The following GAS7 variants were observed in gnomAD, a reference collection of about 807,000 sequenced individuals.
GAS7 encodes growth arrest-specific protein 7.
A neutral mutation model predicts 71.1 loss-of-function variants in GAS7; 28 were observed. The observed-to-expected ratio is 0.39, with a 90% CI of 0.29 to 0.54. GAS7 has a LOEUF of 0.54. Ranked by LOEUF, GAS7 falls within the 20% of genes least tolerant of loss-of-function variation. GAS7 has a pLI of 0.62. For missense variants in GAS7, 436 were observed against 627.8 expected (o/e 0.69, Z 3.27); for synonymous variants, 258 against 245.8 (o/e 1.05, Z -0.46).
intron 6 of GAS7, among the ~76,000 whole-genome samples, chr17:9,943,866 T>A (rs1222228942): frequency 6.6e-6 from 1 of 152,194 alleles, no homozygotes; most frequent in Non-Finnish European, 1.5e-5. Context: ...CCTAAGCTTT[T>A]TCATCTGCAA....
intron 1 of GAS7, among the ~76,000 whole-genome samples, chr17:10,063,014 G>A (rs372510835): frequency 6.6e-6 from 1 of 152,246 alleles, no homozygotes; most frequent in East Asian, 1.9e-4. Flanking sequence ...CACACAGTAG[G>A]ATGGACCCCT....
In GAS7 at chr17:9,926,773, T is replaced by C; in HGVS notation, c.886-4A>G. ...GCTTCTCCACCTCGCTGTGAAGCTG[T>C]TGGGAGAGTAGAGACGCACACTCAG... On this transcript the variant is annotated splice_region_variant and splice_polypyrimidine_tract_variant and intron_variant, in intron 9 of 13. Transcript: ENST00000432992. The surrounding 1 kb of genome is among the most constrained non-coding windows in gnomAD (Gnocchi z 5.0). 1 of 1,614,058 alleles carries C rather than the reference T, an allele frequency of 6.2e-7. No individual in the cohort carries two copies. Among genetic ancestry groups the C allele is most frequent in the Non-Finnish European group, 8.5e-7 (1 of 1,179,962 alleles).
chr17:10,069,081 T>C (rs984389914), intron 1 of GAS7, among the ~76,000 whole-genome samples: 1 of 152,134 alleles, frequency 6.6e-6, no homozygotes, highest in African/African-American at 2.4e-5. Flanking sequence ...ACAAACCGTA[T>C]TACTCACATG....
chr17:10,000,163 C>T (rs1314982360), intron 2 of GAS7, among the ~76,000 whole-genome samples: 1 of 152,184 alleles, frequency 6.6e-6, no homozygotes, highest in East Asian at 1.9e-4. Context: ...CATCACAGTC[C>T]TCTGGAGGCA....
At chr17:10,030,519 A>G (rs2072591120) in intron 1 of GAS7, among the ~76,000 whole-genome samples, 1 of 152,228 alleles carries the variant, frequency 6.6e-6, no homozygotes, top group African/African-American at 2.4e-5. Context: ...TCTCACCAGC[A>G]AGAAGCCACA....
intron 1 of GAS7, among the ~76,000 whole-genome samples, chr17:10,073,727 G>A (rs575028900): frequency 3.9e-5 from 6 of 152,300 alleles, no homozygotes; most frequent in African/African-American, 1.4e-4. Flanking sequence ...TACTGATCAA[G>A]TGCGTGACAG....
At chr17:10,018,776 C>G (rs1324611429) in intron 2 of GAS7, among the ~76,000 whole-genome samples, 1 of 152,122 alleles carries the variant, frequency 6.6e-6, no homozygotes, top group South Asian at 2.1e-4. Flanking sequence ...TAACGATACC[C>G]CCAGGTGGGA....
At chr17:10,036,816 T>A in intron 1 of GAS7, 1 of 932,022 alleles carries the variant, frequency 1.1e-6, no homozygotes, top group Non-Finnish European at 1.3e-6. Context: ...TTGGCTGAGG[T>A]CACAACAAAC....
intron 1 of GAS7, among the ~76,000 whole-genome samples, chr17:10,134,921 C>T (rs1052673224): frequency 1.3e-5 from 2 of 152,058 alleles, no homozygotes; most frequent in Admixed American, 6.5e-5. Flanking sequence ...TCACCTCCGG[C>T]TCCCAAGTTC....
intron 1 of GAS7, among the ~76,000 whole-genome samples, chr17:10,133,294 T>C (rs938057068): frequency 6.6e-6 from 1 of 151,896 alleles, no homozygotes; most frequent in African/African-American, 2.4e-5. Flanking sequence ...AGCTAAACTT[T>C]GTATTTTTGG....
intron 1 of GAS7, among the ~76,000 whole-genome samples, chr17:10,178,048 T>C (rs1406848406): frequency 6.6e-6 from 1 of 151,906 alleles, no homozygotes; most frequent in African/African-American, 2.4e-5. Context: ...GTTTTCAAAC[T>C]GGGTCCTACA....
intron 1 of GAS7, among the ~76,000 whole-genome samples, chr17:10,090,022 A>G (rs1209208316): frequency 6.6e-6 from 1 of 152,200 alleles, no homozygotes; most frequent in African/African-American, 2.4e-5. Context: ...ACGAAAAATT[A>G]GCCAGGCATG....
At chr17:10,172,533 GAAA>G (rs575581440) in intron 1 of GAS7, among the ~76,000 whole-genome samples, 18 of 151,450 alleles carry the variant, frequency 1.2e-4, no homozygotes, top group Non-Finnish European at 2.4e-4. Context: ...AAAAGAAGAA[GAAA>G]AAAAAAGAAA....
intron 2 of GAS7, among the ~76,000 whole-genome samples, chr17:9,996,662 A>G (rs1466146879): frequency 6.6e-6 from 1 of 151,590 alleles, no homozygotes; most frequent in Non-Finnish European, 1.5e-5. Context: ...TTTTTGAGAC[A>G]GAGGCTCGCT....
intron 1 of GAS7, among the ~76,000 whole-genome samples, chr17:10,062,132 T>C (rs2073226811): frequency 6.6e-6 from 1 of 152,140 alleles, no homozygotes; most frequent in Admixed American, 6.5e-5. Flanking sequence ...CTTTTAGAGA[T>C]CACAGACAAG....
intron 1 of GAS7, among the ~76,000 whole-genome samples, chr17:10,109,162 T>G (rs1805878960): frequency 6.6e-6 from 1 of 151,660 alleles, no homozygotes; most frequent in African/African-American, 2.4e-5. Context: ...AAATAACCAT[T>G]AAAAAGTAGG....
chr17:10,169,571 G>A (rs905891660), intron 1 of GAS7, among the ~76,000 whole-genome samples: 2 of 152,136 alleles, frequency 1.3e-5, no homozygotes, highest in Admixed American at 1.3e-4. Flanking sequence ...ATGACTCCAT[G>A]GCTGCCTTCA....
intron 1 of GAS7, among the ~76,000 whole-genome samples, chr17:10,033,046 A>G (rs1444319690): frequency 6.6e-6 from 1 of 152,118 alleles, no homozygotes; most frequent in Non-Finnish European, 1.5e-5. Context: ...AAACGTCCCT[A>G]TTTGTCAAAG....
At chr17:9,984,659 T>C (rs1319999686) in intron 2 of GAS7, among the ~76,000 whole-genome samples, 2 of 152,194 alleles carry the variant, frequency 1.3e-5, no homozygotes, top group Non-Finnish European at 2.9e-5. Flanking sequence ...TGGAATCATC[T>C]GAACTCTATA....
Sources: allele counts gnomAD v4.1 joint callset (sites outside exome capture counted in the v4.1 genomes callset), GRCh38; gene constraint gnomAD v4.1.1; non-coding constraint Gnocchi (gnomAD v3.1); transcripts MANE v1.5; gene names NCBI Gene and HGNC (gene_info 2026-07-23, HGNC 2026-07-21).